Variants in MAF observed in about 807,000 individuals in gnomAD.
MAF encodes MAF bZIP transcription factor.
A neutral mutation model predicts 22.0 loss-of-function variants in MAF; 10 were observed. The ratio of observed to expected loss-of-function variants is 0.45; its 90% CI spans 0.28 to 0.77. The LOEUF (loss-of-function observed/expected upper bound fraction) is 0.77. Among genes scored for constraint, MAF ranks in the 30% least tolerant of loss-of-function variants. The pLI, the probability that MAF is intolerant of heterozygous loss-of-function variation, is 0.12. For synonymous variants in MAF, 337 were observed against 255.8 expected, an observed-to-expected ratio of 1.32 and a Z score of -3.03; for missense variants, 544 against 548.4, an observed-to-expected ratio of 0.99 and a Z score of 0.08.
chr16:79,381,600 G>A, the MAF span, among the ~76,000 whole-genome samples: 1 of 152,208 alleles, frequency 6.6e-6, no homozygotes, highest in African/African-American at 2.4e-5. Context: ...CTGGCCCTGG[G>A]AGAGTCGGGC....
chr16:79,523,812 C>T, the MAF span, among the ~76,000 whole-genome samples: 2 of 152,172 alleles, frequency 1.3e-5, no homozygotes, highest in African/African-American at 4.8e-5. Context: ...CCAGCAAAGC[C>T]TATGGATAGA....
the MAF span, among the ~76,000 whole-genome samples, chr16:79,447,390 T>G: frequency 6.6e-6 from 1 of 151,996 alleles, no homozygotes; most frequent in Non-Finnish European, 1.5e-5. Flanking sequence ...GCAATGCACC[T>G]GGTCATTCAA....
chr16:79,489,216 T>A, the MAF span, among the ~76,000 whole-genome samples: 1 of 152,130 alleles, frequency 6.6e-6, no homozygotes. Flanking sequence ...CCTCTATCTA[T>A]CCATCCATTT....
At chr16:79,463,676 C>G in the MAF span, among the ~76,000 whole-genome samples, 1 of 152,082 alleles carries the variant, frequency 6.6e-6, no homozygotes, top group Non-Finnish European at 1.5e-5. Flanking sequence ...CATTTGACAC[C>G]TAGGTTGGCA....
the MAF span, among the ~76,000 whole-genome samples, chr16:79,491,393 G>A: frequency 6.6e-6 from 1 of 152,172 alleles, no homozygotes; most frequent in African/African-American, 2.4e-5. Context: ...TTCTCCTGTG[G>A]CATCTGATTG....
chr16:79,476,264 G>A, the MAF span, among the ~76,000 whole-genome samples: 1 of 152,142 alleles, frequency 6.6e-6, no homozygotes, highest in Admixed American at 6.5e-5. Context: ...AGGGAACACA[G>A]GTAAGTCATG....
the MAF span, among the ~76,000 whole-genome samples, chr16:79,399,892 A>G: frequency 6.6e-6 from 1 of 152,188 alleles, no homozygotes; most frequent in Non-Finnish European, 1.5e-5. Flanking sequence ...TAGTTGGACA[A>G]TAAATTACGT....
the MAF span, among the ~76,000 whole-genome samples, chr16:79,407,086 C>T: frequency 2.0e-5 from 3 of 152,218 alleles, no homozygotes; most frequent in African/African-American, 7.2e-5. Flanking sequence ...GCGAGGTTGG[C>T]ACCAGGGAGG....
chr16:79,450,010 C>A, the MAF span, among the ~76,000 whole-genome samples: 1 of 152,206 alleles, frequency 6.6e-6, no homozygotes, highest in Non-Finnish European at 1.5e-5. Flanking sequence ...AAAACAATTG[C>A]TGCTCTTTTA....
At chr16:79,318,832 T>C in the MAF span, among the ~76,000 whole-genome samples, 1 of 152,092 alleles carries the variant, frequency 6.6e-6, no homozygotes, top group Admixed American at 6.5e-5. Flanking sequence ...GCTGGAAGAC[T>C]CCTCTCTTTT....
chr16:79,218,080 C>T, the MAF span, among the ~76,000 whole-genome samples: 2 of 143,972 alleles, frequency 1.4e-5, no homozygotes, highest in South Asian at 4.6e-4. Flanking sequence ...TATATCCAAG[C>T]TAGTTTAGCT....
intron 1 of MAF, chr16:79,597,255 C>T: frequency 9.5e-7 from 1 of 1,048,432 alleles, no homozygotes; most frequent in Non-Finnish European, 1.2e-6. Context: ...ATTCCTTTAT[C>T]TGTAGCATAC....
rs1268954429 is a variant in MAF, at chr16:79,598,930, G to C, written c.973C>G (p.Gln325Glu). Residue 325 changes from glutamine to glutamate, a missense_variant, in exon 1 of 2, where the codon CAG becomes GAG. Physicochemically the swap from Gln to Glu is conservative, Grantham distance 29. This residue lies in a region of MAF where 129 missense variants were observed against 113.6 expected (regional missense o/e 1.14). Transcript: ENST00000326043. ...TCCTGCTTGAGGTGGTCGACTTGCT[G>C]CAGCAGCTGGTTCTTCTCCGACTCC... ...VLESEKNQLL[Q>E]QVDHLKQEIS... The C allele has an allele frequency of 6.2e-7, 1 of 1,613,592 alleles. No homozygotes were observed. Among genetic ancestry groups the C allele is most frequent in the Non-Finnish European group, 8.5e-7 (1 of 1,179,966 alleles).
chr16:79,597,656 C>A, intron 1 of MAF: 1 of 1,020,758 alleles, frequency 9.8e-7, no homozygotes, highest in East Asian at 6.5e-5. Flanking sequence ...TACGGTTGCA[C>A]TGTTTTGTTC....
the MAF span, among the ~76,000 whole-genome samples, chr16:79,465,716 G>C: frequency 1.3e-5 from 2 of 152,104 alleles, no homozygotes; most frequent in Non-Finnish European, 2.9e-5. Context: ...CATGAGCTTT[G>C]TGTCCTTGGC....
the MAF span, among the ~76,000 whole-genome samples, chr16:79,227,402 T>C: frequency 6.6e-6 from 1 of 152,090 alleles, no homozygotes; most frequent in African/African-American, 2.4e-5. Context: ...TGAATTACCT[T>C]TCATTGCTGT....
At chr16:79,441,589 G>C in the MAF span, among the ~76,000 whole-genome samples, 1 of 152,204 alleles carries the variant, frequency 6.6e-6, no homozygotes, top group South Asian at 2.1e-4. Context: ...TATGCTTTTT[G>C]TTATTGTCTT....
At chr16:79,264,956 G>A in the MAF span, among the ~76,000 whole-genome samples, 2 of 152,148 alleles carry the variant, frequency 1.3e-5, no homozygotes, top group African/African-American at 4.8e-5. Context: ...AGAAAGGGAA[G>A]CTGTGGGAAC....
the MAF span, among the ~76,000 whole-genome samples, chr16:79,222,519 A>G: frequency 1.3e-5 from 2 of 152,180 alleles, no homozygotes; most frequent in Admixed American, 1.3e-4. Flanking sequence ...AATAAAAAAA[A>G]GAAAACAATA....
Sources: gnomAD v4.1 joint callset for allele counts (sites outside exome capture counted in the v4.1 genomes callset) on GRCh38, gnomAD v4.1.1 for gene constraint, gnomAD v4.1.1 regional missense constraint, MANE v1.5 for transcripts, NCBI Gene and HGNC (gene_info 2026-07-23, HGNC 2026-07-21) for gene names.